NOX4: variants seen among roughly 807,000 people sequenced by gnomAD.
NOX4 encodes the protein kidney oxidase-1.
In NOX4, 69 loss-of-function variants were observed where a neutral mutation model predicts 87.6. That is an observed-to-expected ratio of 0.79 (90% CI 0.65 to 0.96). NOX4 has a LOEUF of 0.96. Ranked by LOEUF, NOX4 falls within the 40% of genes least tolerant of loss-of-function variation. The pLI is 0.00. For synonymous variants in NOX4, 275 were observed against 238.2 expected, an observed-to-expected ratio of 1.15 and a Z score of -1.42; for missense variants, 680 against 681.5, an observed-to-expected ratio of 1.00 and a Z score of 0.02.
the NOX4 span, among the ~76,000 whole-genome samples, chr11:89,560,996 C>CTATATATA: frequency 9.6e-4 from 39 of 40,786 alleles, no homozygotes; most frequent in Non-Finnish European, 1.1e-3. Context: ...CTCTCTCTCT[C>CTATATATA]TATATATATA....
chr11:89,534,376 T>C, the NOX4 span, among the ~76,000 whole-genome samples: 2 of 152,240 alleles, frequency 1.3e-5, no homozygotes. Context: ...CACAATATTT[T>C]TTCTCTCTAC....
At chr11:89,417,038 C>A (rs1244981418) in intron 8 of NOX4, among the ~76,000 whole-genome samples, 1 of 152,062 alleles carries the variant, frequency 6.6e-6, no homozygotes, top group African/African-American at 2.4e-5. Flanking sequence ...ACATTATAGT[C>A]TCTCTCACTC....
intron 6 of NOX4, among the ~76,000 whole-genome samples, chr11:89,438,576 C>G (rs868497936): frequency 0.019 from 1,562 of 80,228 alleles, 101 homozygotes; most frequent in African/African-American, 0.084. Context: ...ATAATATATA[C>G]TATATATTAT....
intron 12 of NOX4, among the ~76,000 whole-genome samples, chr11:89,365,028 T>C (rs183789321): frequency 1.3e-5 from 2 of 152,216 alleles, no homozygotes; most frequent in Admixed American, 1.3e-4. Flanking sequence ...CCCGAGAATA[T>C]ACAGTACTCC....
chr11:89,539,112 C>G, the NOX4 span, among the ~76,000 whole-genome samples: 1 of 152,132 alleles, frequency 6.6e-6, no homozygotes, highest in Non-Finnish European at 1.5e-5. Flanking sequence ...TGATCTTGGA[C>G]TTCCCAGCAG....
rs554417476 is a variant in NOX4, at chr11:89,473,957, C to T, written c.153+16501G>A. Among the ~76,000 whole-genome samples, 131 of 152,278 alleles carry T rather than the reference C, an allele frequency of 8.6e-4. 1 individual carries two copies. The highest frequency in any genetic ancestry group is 2.1e-3 in the South Asian group (10 of 4,832). On this transcript the variant is annotated intron_variant, in intron 2 of 17. Transcript: ENST00000263317. The stretch of plus-strand genomic sequence containing the variant: ...GACTAAATGAATGGATAATTTGGTA[C>T]AGACTATTTTCCTAAATTTCCTGAT...
Position 89,340,162 on chromosome 11 carries a change from C to A in NOX4, c.1347G>T (p.Trp449Cys). ...ASILNTLLDD[W>C]KPYKLRRLYF... The stretch of plus-strand genomic sequence containing the variant: ...ATAGTCTTCTAAGCTTGTATGGTTT[C>A]CAGTCATCCCTTTAAAATGAAAATA... The change falls in exon 15 of 18, where the codon TGG becomes TGT. Residue 449 changes from tryptophan (W) to cysteine (C), a missense_variant. Coordinates refer to ENST00000263317, the MANE Select transcript of NOX4 (RefSeq NM_016931.5). The A allele has an allele frequency of 1.3e-6, 2 of 1,584,814 alleles. No homozygotes were observed. The highest frequency in any genetic ancestry group is 2.7e-5 in the African/African-American group (2 of 73,404).
At chr11:89,384,373 C>G (rs1431798435) in intron 11 of NOX4, among the ~76,000 whole-genome samples, 1 of 152,148 alleles carries the variant, frequency 6.6e-6, no homozygotes, top group Non-Finnish European at 1.5e-5. Context: ...ACGGACAGCC[C>G]CCATTACTTC....
chr11:89,528,716 C>T, the NOX4 span, among the ~76,000 whole-genome samples: 1 of 152,036 alleles, frequency 6.6e-6, no homozygotes, highest in Non-Finnish European at 1.5e-5. Flanking sequence ...CCAGCCATGC[C>T]GAACTGTGAG....
intron 2 of NOX4, among the ~76,000 whole-genome samples, chr11:89,463,223 C>T (rs951516382): frequency 5.3e-5 from 8 of 151,832 alleles, no homozygotes; most frequent in African/African-American, 1.9e-4. Context: ...ACACTATTCT[C>T]TGGATTACCA....
At chr11:89,530,509 C>CT in the NOX4 span, among the ~76,000 whole-genome samples, 47,291 of 135,324 alleles carry the variant, frequency 0.35, 8,362 homozygotes, top group Middle Eastern at 0.43. Flanking sequence ...CATCTGTCTA[C>CT]TTTTTTTTTT....
chr11:89,560,915 A>C, the NOX4 span, among the ~76,000 whole-genome samples: 3 of 145,916 alleles, frequency 2.1e-5, no homozygotes, highest in African/African-American at 7.7e-5. Flanking sequence ...GGTTGCAGAA[A>C]GCCTGTCATG....
intron 2 of NOX4, among the ~76,000 whole-genome samples, chr11:89,469,095 C>T (rs1000875168): frequency 9.2e-5 from 14 of 152,032 alleles, no homozygotes; most frequent in African/African-American, 3.4e-4. Flanking sequence ...TTAAAATGTA[C>T]CAAATCCTAT....
At chr11:89,368,464 G>A (rs1939183363) in intron 12 of NOX4, among the ~76,000 whole-genome samples, 1 of 152,066 alleles carries the variant, frequency 6.6e-6, no homozygotes, top group East Asian at 1.9e-4. Context: ...GCCTGGTAAA[G>A]TCTGCTCTCC....
intron 2 of NOX4, among the ~76,000 whole-genome samples, chr11:89,476,145 TG>T (rs1338947561): frequency 1.3e-5 from 2 of 152,098 alleles, no homozygotes; most frequent in Non-Finnish European, 1.5e-5. Flanking sequence ...TAGGGTGAGT[TG>T]TTTTCTACTT....
intron 7 of NOX4, among the ~76,000 whole-genome samples, chr11:89,425,099 G>A (rs1943303662): frequency 6.6e-6 from 1 of 151,866 alleles, no homozygotes; most frequent in Non-Finnish European, 1.5e-5. Context: ...TATACCTCAA[G>A]GATTTTAAAA....
At chr11:89,415,566 A>C (rs1028072145) in intron 8 of NOX4, among the ~76,000 whole-genome samples, 5 of 152,168 alleles carry the variant, frequency 3.3e-5, no homozygotes, top group Admixed American at 3.3e-4. Context: ...TTATACAAAA[A>C]TATACATATG....
At chr11:89,458,033 T>G (rs2135406689) in intron 2 of NOX4, among the ~76,000 whole-genome samples, 1 of 152,058 alleles carries the variant, frequency 6.6e-6, no homozygotes, top group East Asian at 1.9e-4. Flanking sequence ...CCAATGCCAG[T>G]CATCACAGAA....
In NOX4 at chr11:89,451,738, A is replaced by G. The variant is rs949540396; in HGVS notation, c.264+47T>C. On this transcript the variant is annotated intron_variant, in intron 3 of 17. Coordinates refer to ENST00000263317, the MANE Select transcript of NOX4 (RefSeq NM_016931.5). ...AAACAAACTAACATGCGACTGTTAC[A>G]CTTGATTTTTATGCTGGAATTTGAA... 9 of 1,274,836 alleles carry G rather than the reference A, an allele frequency of 7.1e-6. No individual in the cohort carries two copies. The African/African-American group carries it at 1.0e-4, about 14-fold the overall frequency. 79.0% of individuals were successfully genotyped at this position (1,274,836 alleles called of 1,614,324 possible). A position where few individuals can be genotyped will look rare whatever the true frequency, so the allele number is the denominator to read the frequency against.
Sources: gnomAD v4.1 joint callset for allele counts (sites outside exome capture counted in the v4.1 genomes callset) on GRCh38, gnomAD v4.1.1 for gene constraint, MANE v1.5 for transcripts, NCBI Gene and HGNC (gene_info 2026-07-23, HGNC 2026-07-21) for gene names.